Variants in FBXO40 observed in about 807,000 individuals in gnomAD.
FBXO40 encodes the protein F-box only protein 40.
Under a neutral mutation model 49.9 loss-of-function variants are expected in FBXO40, and 50 were observed. The ratio of observed to expected loss-of-function variants is 1.00; its 90% CI spans 0.80 to 1.27. The LOEUF is 1.27. Among genes scored for constraint, FBXO40 ranks in the 50% most tolerant of loss-of-function variants. The pLI is 0.00. For missense variants in FBXO40, 895 were observed against 870.1 expected (o/e 1.03, Z -0.36); for synonymous variants, 340 against 320.2 (o/e 1.06, Z -0.66).
intron 1 of FBXO40, among the ~76,000 whole-genome samples, chr3:121,612,005 T>C (rs1440284715): frequency 6.6e-6 from 1 of 152,186 alleles, no homozygotes; most frequent in African/African-American, 2.4e-5. Context: ...AGCAAAGCAA[T>C]TGTTTAAAGT....
At chr3:121,609,546 CT>C (rs1165730742) in intron 1 of FBXO40, among the ~76,000 whole-genome samples, 8 of 152,234 alleles carry the variant, frequency 5.3e-5, no homozygotes, top group African/African-American at 1.9e-4. Context: ...AGGATCATTC[CT>C]TTCAAAGTCA....
At chr3:121,618,896 T>G (rs986962099) in intron 1 of FBXO40, among the ~76,000 whole-genome samples, 4 of 152,002 alleles carry the variant, frequency 2.6e-5, no homozygotes, top group Non-Finnish European at 4.4e-5. Context: ...TTCCTTCACC[T>G]TTTCTGTATA....
At chr3:121,596,308 A>G (rs2048871557) in intron 1 of FBXO40, among the ~76,000 whole-genome samples, 1 of 152,226 alleles carries the variant, frequency 6.6e-6, no homozygotes, top group Non-Finnish European at 1.5e-5. Flanking sequence ...TCAAAGCACA[A>G]TAGAAAAAAA....
intron 1 of FBXO40, among the ~76,000 whole-genome samples, chr3:121,596,738 A>G (rs2048874754): frequency 6.6e-6 from 1 of 152,182 alleles, no homozygotes; most frequent in Non-Finnish European, 1.5e-5. Context: ...AATGAGGCCT[A>G]CATTAACCTA....
chr3:121,601,505 G>T (rs2048901273), intron 1 of FBXO40, among the ~76,000 whole-genome samples: 1 of 152,190 alleles, frequency 6.6e-6, no homozygotes. Context: ...AATGTTTCCA[G>T]CTTCAATAAT....
chr3:121,610,849 C>T (rs1357266845), intron 1 of FBXO40, among the ~76,000 whole-genome samples: 2 of 152,224 alleles, frequency 1.3e-5, no homozygotes, highest in Non-Finnish European at 2.9e-5. Context: ...CCACATTGTC[C>T]AGGCTGGTCT....
chr3:121,615,637 A>G (rs962885119), intron 1 of FBXO40, among the ~76,000 whole-genome samples: 10 of 152,104 alleles, frequency 6.6e-5, no homozygotes, highest in Non-Finnish European at 1.3e-4. Flanking sequence ...TAAACTTGAA[A>G]TGGGCAGATG....
intron 1 of FBXO40, among the ~76,000 whole-genome samples, chr3:121,611,284 C>T (rs534977543): frequency 5.9e-4 from 90 of 152,282 alleles, no homozygotes; most frequent in East Asian, 2.9e-3. Flanking sequence ...TCAGTTTTTT[C>T]TGATTATTAT....
intron 1 of FBXO40, among the ~76,000 whole-genome samples, chr3:121,610,369 C>T (rs1040029021): frequency 3.3e-5 from 5 of 152,260 alleles, no homozygotes; most frequent in Non-Finnish European, 5.9e-5. Flanking sequence ...CCTAAGTTTG[C>T]TTTTGTAGCT....
At chr3:121,616,323 T>G (rs535618650) in intron 1 of FBXO40, among the ~76,000 whole-genome samples, 4 of 152,272 alleles carry the variant, frequency 2.6e-5, no homozygotes, top group Non-Finnish European at 4.4e-5. Flanking sequence ...GGGAGTGTGT[T>G]AAGCATGTAA....
In FBXO40 at chr3:121,610,926, A is replaced by G. The variant is rs572628657; in HGVS notation, c.-30-9620A>G. 3.4e-3 allele frequency among the ~76,000 whole-genome samples: 514 copies of G among 152,232 alleles called. 4 individuals carry two copies. The highest frequency in any genetic ancestry group is 0.011 in the African/African-American group (477 of 41,538). ...AAACTTACTTCCTCTTAATAACTCC[A>G]ATTTAGGTCCCAGTCAGGAACTGCT... is the stretch of plus-strand genomic sequence containing the variant. On this transcript the variant is annotated intron_variant, in intron 1 of 3. Transcript: ENST00000338040.
In FBXO40 at chr3:121,627,217, T is replaced by C. The variant is rs1232800246; in HGVS notation, c.*307T>C. Reference sequence around the variant, plus strand: ...AAGTAATTTGAGGCCATTTGGAAGATGGGCCCAATTTCTTAAGTGATGAGA... The same window carrying C: ...AAGTAATTTGAGGCCATTTGGAAGACGGGCCCAATTTCTTAAGTGATGAGA... On this transcript the variant is annotated 3_prime_UTR_variant, in exon 4 of 4. Coordinates refer to ENST00000338040, the MANE Select transcript of FBXO40 (RefSeq NM_016298.4). 5.6e-6 allele frequency: 2 copies of C among 354,264 alleles called. No homozygotes were observed. Among genetic ancestry groups the C allele is most frequent in the African/African-American group, 2.1e-5 (1 of 47,952 alleles). The allele number at this position is 354,264 out of a possible 1,614,324, so 21.9% of individuals were successfully genotyped here.
intron 1 of FBXO40, among the ~76,000 whole-genome samples, chr3:121,598,495 A>G (rs1001883615): frequency 1.5e-4 from 23 of 152,262 alleles, no homozygotes; most frequent in African/African-American, 4.6e-4. Context: ...TAAATACTAC[A>G]AAGATTCATA....
At chr3:121,616,663 T>C (rs1015844363) in intron 1 of FBXO40, among the ~76,000 whole-genome samples, 2 of 152,218 alleles carry the variant, frequency 1.3e-5, no homozygotes, top group Non-Finnish European at 2.9e-5. Flanking sequence ...GTGATCCTTA[T>C]GCTCACTTAC....
chr3:121,623,688 C>CTTTTTT (rs11455375), intron 3 of FBXO40, among the ~76,000 whole-genome samples: 1 of 128,962 alleles, frequency 7.8e-6, no homozygotes, highest in South Asian at 2.4e-4. Context: ...TTTTAAAGGC[C>CTTTTTT]TTTTTTTTTT....
At chr3:121,603,229 C>T (rs2048910245) in intron 1 of FBXO40, among the ~76,000 whole-genome samples, 1 of 152,086 alleles carries the variant, frequency 6.6e-6, no homozygotes. Flanking sequence ...TCTCAGATTC[C>T]CACAGGCAAG....
intron 1 of FBXO40, among the ~76,000 whole-genome samples, chr3:121,606,260 G>T (rs567886127): frequency 1.3e-4 from 20 of 152,338 alleles, no homozygotes; most frequent in African/African-American, 4.8e-4. Context: ...CAGACTGGGT[G>T]TCAGAAGTGT....
chr3:121,599,673 T>TGC (rs1491359462), intron 1 of FBXO40, among the ~76,000 whole-genome samples: 3 of 46,842 alleles, frequency 6.4e-5, no homozygotes, highest in African/African-American at 2.1e-4. Context: ...CACACACACA[T>TGC]GCACACACAC....
At chr3:121,619,032 C>G (rs2049015052) in intron 1 of FBXO40, among the ~76,000 whole-genome samples, 1 of 150,918 alleles carries the variant, frequency 6.6e-6, no homozygotes, top group Admixed American at 6.6e-5. Context: ...GTCTTACTCT[C>G]TCACCCAGGC....
Sources: allele counts gnomAD v4.1 joint callset (sites outside exome capture counted in the v4.1 genomes callset), GRCh38; gene constraint gnomAD v4.1.1; transcripts MANE v1.5; gene names NCBI Gene and HGNC (gene_info 2026-07-23, HGNC 2026-07-21).